Variants in CUL2 observed in about 807,000 individuals in gnomAD.
CUL2 encodes cullin-2.
A neutral mutation model predicts 110.2 loss-of-function variants in CUL2; 22 were observed. The ratio of observed to expected loss-of-function variants is 0.20; its 90% CI spans 0.14 to 0.28. The LOEUF (loss-of-function observed/expected upper bound fraction) is 0.28, where lower values mean the gene tolerates loss of function less well. Among genes scored for constraint, CUL2 ranks in the 10% least tolerant of loss-of-function variants. The probability of loss-of-function intolerance (pLI) is 1.00; values close to 1 mark genes in which losing one functional copy is unlikely to be tolerated. For synonymous variants in CUL2, 279 were observed against 293.2 expected (o/e 0.95, Z 0.49); for missense variants, 631 against 905.5 (o/e 0.70, Z 3.89).
At chr10:35,061,757 T>TTAAG (rs1188693968) in intron 3 of CUL2, among the ~76,000 whole-genome samples, 1 of 151,302 alleles carries the variant, frequency 6.6e-6, no homozygotes, top group African/African-American at 2.4e-5. Flanking sequence ...CAATTGTGCC[T>TTAAG]TACTTATGAG....
chr10:35,089,461 A>G (rs1158627358), intron 1 of CUL2, among the ~76,000 whole-genome samples: 3 of 152,322 alleles, frequency 2.0e-5, no homozygotes, highest in East Asian at 3.9e-4. Context: ...AACAGTCACA[A>G]TCTATAGCGA....
In CUL2 at chr10:35,011,835, G is replaced by A; in HGVS notation, c.2106+13C>T. ...TCTACCCTAAGAAGCCCTGAGGACT[G>A]CCCTCCTTTTACCTCTTGAATAAGG... On this transcript the variant is annotated intron_variant, in intron 20 of 20. Coordinates refer to ENST00000374749, the MANE Select transcript of CUL2 (RefSeq NM_003591.4). 6.8e-7 allele frequency: 1 copy of A among 1,472,224 alleles called. No homozygotes were observed. The highest frequency in any genetic ancestry group is 9.5e-7 in the Non-Finnish European group (1 of 1,051,742). 91.2% of individuals were successfully genotyped at this position (1,472,224 alleles called of 1,614,324 possible). A position where few individuals can be genotyped will look rare whatever the true frequency, so the allele number is the denominator to read the frequency against.
chr10:35,126,781 CT>C (rs1428232359), upstream of CUL2: 1 of 152,050 alleles, frequency 6.6e-6, no homozygotes, highest in African/African-American at 2.4e-5. Flanking sequence ...GACCTTCCTT[CT>C]CCCTATCCCT....
rs1009689115 is a variant in CUL2, at chr10:35,016,124, C to T, written c.1887+68G>A. 2.3e-6 allele frequency: 3 copies of T among 1,315,270 alleles called. No individual in the cohort carries two copies. The African/African-American group carries it at 4.4e-5, about 19-fold the overall frequency. The allele number at this position is 1,315,270 out of a possible 1,614,324, so 81.5% of individuals were successfully genotyped here. A position where few individuals can be genotyped will look rare whatever the true frequency, so the allele number is the denominator to read the frequency against. On this transcript the variant is annotated intron_variant, in intron 18 of 20. Transcript: ENST00000374749. ...TAACAATTACAGCCTTATTTTAAAA[C>T]TGCAAACATCTCATGAAAAAGCTTT...
chr10:35,111,196 G>A (rs2087519646), intron 1 of CUL2, among the ~76,000 whole-genome samples: 1 of 152,060 alleles, frequency 6.6e-6, no homozygotes, highest in Non-Finnish European at 1.5e-5. Context: ...AAGTTTACAG[G>A]GAGAACAAGA....
At chr10:35,060,356 C>A (rs2086350456) in intron 4 of CUL2, among the ~76,000 whole-genome samples, 1 of 152,058 alleles carries the variant, frequency 6.6e-6, no homozygotes, top group Non-Finnish European at 1.5e-5. Context: ...CCAGGAAAGG[C>A]AGGAAGATGG....
intron 2 of CUL2, among the ~76,000 whole-genome samples, chr10:35,097,534 C>A (rs956567240): frequency 6.7e-6 from 1 of 149,712 alleles, no homozygotes; most frequent in Non-Finnish European, 1.5e-5. Flanking sequence ...TGCAATCTGA[C>A]AAATACCCTT....
intron 8 of CUL2, among the ~76,000 whole-genome samples, chr10:35,043,993 G>C (rs1017183562): frequency 6.7e-6 from 1 of 149,092 alleles, no homozygotes; most frequent in African/African-American, 2.5e-5. Flanking sequence ...ACTTGAGCCT[G>C]GGAGCCATGA....
chr10:35,052,827 A>G (rs1329931606), intron 5 of CUL2, among the ~76,000 whole-genome samples: 1 of 151,720 alleles, frequency 6.6e-6, no homozygotes, highest in Non-Finnish European at 1.5e-5. Context: ...CCTGGGAGGC[A>G]GAGCTTGCAG....
At chr10:35,019,198 G>A (rs747539598) in intron 17 of CUL2, among the ~76,000 whole-genome samples, 17 of 152,150 alleles carry the variant, frequency 1.1e-4, no homozygotes, top group Non-Finnish European at 1.8e-4. Flanking sequence ...TGATTAAGTG[G>A]CACCATCAGC....
intron 5 of CUL2, among the ~76,000 whole-genome samples, chr10:35,051,472 G>A (rs901045168): frequency 6.6e-6 from 1 of 151,868 alleles, no homozygotes; most frequent in African/African-American, 2.4e-5. Flanking sequence ...AATTAGCCGG[G>A]CGAGGTGGCG....
intron 1 of CUL2, among the ~76,000 whole-genome samples, chr10:35,075,680 A>ACG (rs1554865669): frequency 3.6e-5 from 5 of 138,668 alleles, no homozygotes; most frequent in South Asian, 2.4e-4. Flanking sequence ...ACACACACAC[A>ACG]CACGCACGCT....
chr10:35,023,351 C>CT (rs199934302), intron 17 of CUL2, among the ~76,000 whole-genome samples: 2,324 of 152,224 alleles, frequency 0.015, 34 homozygotes, highest in Middle Eastern at 0.034. Flanking sequence ...ATAAGGTTCT[C>CT]TTTCCAAAGG....
rs964032175 is a variant in CUL2 at position 35,010,333 on chromosome 10, T to A, written c.2216A>T (p.Asp739Val). Residue 739 changes from aspartate (D) to valine (V), a missense_variant, in exon 21 of 21, where the codon GAT becomes GTT. By Grantham distance (152) the Asp-to-Val change is radical. This residue lies in a region of CUL2 where 159 missense variants were observed against 202.7 expected (regional missense o/e 0.78). Transcript: ENST00000374749. ...QYIERSQASA[D>V]EYSYVA The stretch of plus-strand genomic sequence containing the variant: ...ACATCACGCGACGTAGCTGTATTCA[T>A]CTGCCGACGCCTGGCTGCGTTCTAT... 1 of 1,610,740 alleles carries A rather than the reference T, an allele frequency of 6.2e-7. No homozygotes were observed. The highest frequency in any genetic ancestry group is 8.5e-7 in the Non-Finnish European group (1 of 1,178,486).
intron 15 of CUL2, among the ~76,000 whole-genome samples, 177 bp from the exon 16 acceptor site, chr10:35,029,064 T>TG: frequency 1.5e-5 from 1 of 64,606 alleles, no homozygotes; most frequent in East Asian, 4.3e-4. Flanking sequence ...CCTTTTTTTG[T>TG]TTTTTTTTTT....
intron 1 of CUL2, among the ~76,000 whole-genome samples, chr10:35,117,510 G>A (rs918470055): frequency 1.3e-4 from 19 of 150,218 alleles, no homozygotes; most frequent in African/African-American, 2.2e-4. Flanking sequence ...AATTACAGGC[G>A]TGAGTCACTG....
intron 6 of CUL2, among the ~76,000 whole-genome samples, chr10:35,046,649 T>G (rs572330351): frequency 1.1e-3 from 161 of 152,206 alleles, no homozygotes; most frequent in African/African-American, 3.7e-3. Context: ...CCCAGCACTT[T>G]AGGAGGCTGA....
intron 2 of CUL2, among the ~76,000 whole-genome samples, chr10:35,097,851 G>T (rs548688284): frequency 2.1e-4 from 32 of 152,080 alleles, no homozygotes; most frequent in Non-Finnish European, 4.7e-4. Flanking sequence ...CCCAGCTACT[G>T]GGGAGGCTGA....
chr10:35,020,189 A>G (rs972226675), intron 17 of CUL2, among the ~76,000 whole-genome samples: 2 of 152,224 alleles, frequency 1.3e-5, no homozygotes, highest in Non-Finnish European at 2.9e-5. Context: ...AATAAATCAC[A>G]AATAAGTAAT....
Sources: allele counts gnomAD v4.1 joint callset (sites outside exome capture counted in the v4.1 genomes callset), GRCh38; gene constraint gnomAD v4.1.1; regional missense constraint gnomAD v4.1.1; transcripts MANE v1.5; gene names NCBI Gene and HGNC (gene_info 2026-07-23, HGNC 2026-07-21).